Variants in IGFBP2 observed in about 807,000 individuals in gnomAD.
The protein encoded by IGFBP2 is insulin-like growth factor-binding protein 2.
In IGFBP2, 12 loss-of-function variants were observed where a neutral mutation model predicts 26.2. That is an observed-to-expected ratio of 0.46 (90% CI 0.29 to 0.74). The LOEUF (loss-of-function observed/expected upper bound fraction) is 0.74. Among genes scored for constraint, IGFBP2 ranks in the 30% least tolerant of loss-of-function variants. The probability of loss-of-function intolerance (pLI) is 0.09; values close to 1 mark genes in which losing one functional copy is unlikely to be tolerated. For missense variants in IGFBP2, 328 were observed against 441.2 expected (o/e 0.74, Z 2.30); for synonymous variants, 189 against 200.6 (o/e 0.94, Z 0.49).
chr2:216,656,253 A>G (rs1176469733), intron 1 of IGFBP2, among the ~76,000 whole-genome samples: 1 of 152,174 alleles, frequency 6.6e-6, no homozygotes, highest in Non-Finnish European at 1.5e-5. Context: ...GGGCTTCGTG[A>G]AGATGGGGAG....
At chr2:216,633,230 G>T (rs1284336325), upstream of IGFBP2, among the ~76,000 whole-genome samples, 1 of 152,166 alleles carries the variant, frequency 6.6e-6, no homozygotes, top group Non-Finnish European at 1.5e-5. Context: ...GAGGGACGGG[G>T]CCCGGGAAGA....
intron 1 of IGFBP2, among the ~76,000 whole-genome samples, chr2:216,648,234 C>T (rs1697753444): frequency 1.3e-5 from 2 of 152,210 alleles, no homozygotes; most frequent in African/African-American, 4.8e-5. Context: ...ACCTCCACCA[C>T]TCAGCACCCT....
At chr2:216,651,844 C>T (rs917270335) in intron 1 of IGFBP2, among the ~76,000 whole-genome samples, 1 of 152,118 alleles carries the variant, frequency 6.6e-6, no homozygotes, top group Non-Finnish European at 1.5e-5. Context: ...AAGAAGTGAA[C>T]TCCGCCTGCT....
intron 1 of IGFBP2, among the ~76,000 whole-genome samples, chr2:216,634,679 CCTGGACGGGGGCAGCCAGG>C (rs906266846): frequency 6.6e-6 from 1 of 152,182 alleles, no homozygotes; most frequent in Non-Finnish European, 1.5e-5. Flanking sequence ...GGCTGCATTC[CCTGGACGGGGGCAGCCAGG>C]CTGTGCGGTT....
intron 1 of IGFBP2, among the ~76,000 whole-genome samples, chr2:216,634,906 T>TTTTTTTTTTTTTTTTTTTTTTTTTTTTA (rs371560018): frequency 1.6e-5 from 2 of 128,490 alleles, no homozygotes; most frequent in African/African-American, 2.8e-5. Context: ...TTTTTTTTTT[T>TTTTTTTTTTTTTTTTTTTTTTTTTTTTA]AATTACGAAA....
intron 2 of IGFBP2, 60 bp from the exon 3 acceptor site, chr2:216,661,798 C>T (rs9341206): frequency 0.035 from 56,075 of 1,599,714 alleles, 1,154 homozygotes; most frequent in South Asian, 0.07. Flanking sequence ...TTGCGTCTGG[C>T]GCGTGCTTCG....
chr2:216,633,172 G>A (rs1162724193), upstream of IGFBP2, among the ~76,000 whole-genome samples: 1 of 152,206 alleles, frequency 6.6e-6, no homozygotes, highest in Non-Finnish European at 1.5e-5. Context: ...AAACCCGCGA[G>A]TTATCCGTAT....
At chr2:216,647,723 T>C (rs905561173) in intron 1 of IGFBP2, among the ~76,000 whole-genome samples, 44 of 152,264 alleles carry the variant, frequency 2.9e-4, no homozygotes, top group African/African-American at 9.9e-4. Flanking sequence ...GGTTTCACCA[T>C]GTTAGCCAGG....
chr2:216,634,906 T>TTTTTTTTTTTTTTTTTTA lies in IGFBP2; in HGVS notation c.442+941_442+942insTTTTTTTTTTTTTTTTTA, dbSNP rs371560018. Among the ~76,000 whole-genome samples, 51 of 128,514 alleles carry TTTTTTTTTTTTTTTTTTA rather than the reference T, an allele frequency of 4.0e-4. 3 individuals carry two copies. Among genetic ancestry groups the TTTTTTTTTTTTTTTTTTA allele is most frequent in the African/African-American group, 1.4e-3 (48 of 35,408 alleles). 84.3% of individuals were successfully genotyped at this position (128,514 alleles called of 152,430 possible). On this transcript the variant is annotated intron_variant, in intron 1 of 3. Coordinates refer to ENST00000233809, the MANE Select transcript of IGFBP2 (RefSeq NM_000597.3). ...TAAGGAGGTTACTTTTTTTTTTTTT[T>TTTTTTTTTTTTTTTTTTA]AATTACGAAAGCCTCCTGCCCCAGT...
At chr2:216,654,272 G>C (rs1214869681) in intron 1 of IGFBP2, among the ~76,000 whole-genome samples, 1 of 152,182 alleles carries the variant, frequency 6.6e-6, no homozygotes, top group East Asian at 1.9e-4. Flanking sequence ...TTCCTGGTAG[G>C]CAGGAAATGG....
intron 1 of IGFBP2, among the ~76,000 whole-genome samples, chr2:216,641,788 C>T (rs566703206): frequency 6.7e-6 from 1 of 149,410 alleles, no homozygotes; most frequent in East Asian, 2.0e-4. Context: ...CTCCTGGGTT[C>T]ACGCCATTCT....
At chr2:216,645,364 C>T (rs1314052989) in intron 1 of IGFBP2, among the ~76,000 whole-genome samples, 1 of 152,124 alleles carries the variant, frequency 6.6e-6, no homozygotes, top group African/African-American at 2.4e-5. Flanking sequence ...AGAAATGAAG[C>T]CCTGGGGCTA....
intron 1 of IGFBP2, among the ~76,000 whole-genome samples, chr2:216,642,372 T>G (rs1047184182): frequency 6.8e-5 from 10 of 148,104 alleles, no homozygotes; most frequent in African/African-American, 2.5e-4. Flanking sequence ...AGTGGCGCGA[T>G]CTCGGCTCAC....
chr2:216,658,538 A>G (rs1697962500), intron 1 of IGFBP2, among the ~76,000 whole-genome samples: 1 of 137,674 alleles, frequency 7.3e-6, no homozygotes, highest in Non-Finnish European at 1.5e-5. Context: ...TTATTTATTT[A>G]TTTATTTATT....
Position 216,633,717 on chromosome 2 carries a change from C to T in IGFBP2, c.194C>T (p.Ala65Val), listed in dbSNP as rs1308426705. Residue 65 changes from alanine to valine, a missense_variant, in exon 1 of 4, where the codon GCC becomes GTC. By Grantham distance (64) the Ala-to-Val change is moderately conservative. Transcript: ENST00000233809. ...CCGGTTGCGCCGCCCGCCGCGGTGG[C>T]CGCAGTGGCCGGAGGCGCCCGCATG... ...PPPVAPPAAV[A>V]AVAGGARMPC... 7.4e-6 allele frequency: 9 copies of T among 1,211,250 alleles called. No individual in the cohort carries two copies. Among genetic ancestry groups the T allele is most frequent in the Non-Finnish European group, 9.2e-6 (9 of 976,288 alleles). The allele number at this position is 1,211,250 out of a possible 1,614,324, so 75.0% of individuals were successfully genotyped here. A position where few individuals can be genotyped will look rare whatever the true frequency, so the allele number is the denominator to read the frequency against.
intron 1 of IGFBP2, among the ~76,000 whole-genome samples, chr2:216,642,289 C>G (rs562724136): frequency 6.8e-6 from 1 of 147,030 alleles, no homozygotes; most frequent in Non-Finnish European, 1.5e-5. Context: ...TGAGCCACCC[C>G]GTCTGGCTAG....
rs1402806253 is a variant in IGFBP2 at position 216,636,824 on chromosome 2, C to T, written c.442+2859C>T. Among the ~76,000 whole-genome samples the T allele has an allele frequency of 2.0e-5, 3 of 150,548 alleles. No individual in the cohort carries two copies. In the East Asian group the frequency reaches 5.9e-4, roughly 30 times the overall value. On this transcript the variant is annotated intron_variant, in intron 1 of 3. Transcript: ENST00000233809. ...CAATGCAGGGGATTATGCTGAGGGG[C>T]GGGGCCGCCCGAGTGGCCGTTTGGC...
At chr2:216,663,859 T>A in intron 3 of IGFBP2, 81 bp from the exon 4 acceptor site, 5 of 1,471,112 alleles carry the variant, frequency 3.4e-6, no homozygotes, top group Non-Finnish European at 3.7e-6. Context: ...AAGGGGTGGC[T>A]GCTCAGTGGA....
chr2:216,659,370 A>G (rs914454599), intron 1 of IGFBP2, among the ~76,000 whole-genome samples: 4 of 152,236 alleles, frequency 2.6e-5, no homozygotes, highest in East Asian at 1.9e-4. Flanking sequence ...GGAAGAAAAA[A>G]TGTGCAAGAT....
Sources: allele counts gnomAD v4.1 joint callset (sites outside exome capture counted in the v4.1 genomes callset), GRCh38; gene constraint gnomAD v4.1.1; transcripts MANE v1.5; gene names NCBI Gene and HGNC (gene_info 2026-07-23, HGNC 2026-07-21).